Variants in ZNF316 observed in about 807,000 individuals in gnomAD.
The protein encoded by ZNF316 is zinc finger protein 316.
In ZNF316, 23 loss-of-function variants were observed where a neutral mutation model predicts 75.6. The observed-to-expected ratio is 0.30, with a 90% CI of 0.22 to 0.43. The LOEUF (loss-of-function observed/expected upper bound fraction) is 0.43, where lower values mean the gene tolerates loss of function less well. ZNF316 is among the 20% of genes least tolerant of loss of function. The pLI is 1.00. For synonymous variants in ZNF316, 827 were observed against 666.2 expected (o/e 1.24, Z -3.72); for missense variants, 1,266 against 1,409.4 (o/e 0.90, Z 1.63).
chr7:6,641,804 C>G (rs1257801823), intron 3 of ZNF316, 21 bp from the exon 4 acceptor site: 1 of 152,310 alleles, frequency 6.6e-6, no homozygotes, highest in African/African-American at 2.4e-5. Flanking sequence ...CTCACAGCCC[C>G]CACTCTCCCA....
chr7:6,640,506 T>C lies in ZNF316; in HGVS notation c.-166-1319T>C, dbSNP rs112277968. On this transcript the variant is annotated intron_variant, in intron 3 of 8. Transcript: ENST00000382252. This position sits in a 1 kb window ranked among gnomAD's most constrained non-coding sequence, Gnocchi z 5.1. ...TGTCCTGTGAACTCATTACTCACTG[T>C]CTCCAAGGGGATGGCCCAAGATTCA... Among the ~76,000 whole-genome samples the C allele has an allele frequency of 0.033, 4,990 of 152,190 alleles. 271 individuals are homozygous for C. Among genetic ancestry groups the C allele is most frequent in the African/African-American group, 0.11 (4,723 of 41,516 alleles).
In ZNF316 at chr7:6,643,957, G is replaced by A. The variant is rs1228772148; in HGVS notation, c.592+9G>A. 1.9e-5 allele frequency: 23 copies of A among 1,232,276 alleles called. No individual in the cohort carries two copies. The highest frequency in any genetic ancestry group is 4.2e-5 in the Admixed American group (1 of 23,704). 76.3% of individuals were successfully genotyped at this position (1,232,276 alleles called of 1,614,324 possible). ...GATTCTCGTGTCCTTGGGTAAGGAC[G>A]GGACCTTTTGTCCCCAAGAGGCAGC... On this transcript the variant is annotated intron_variant, in intron 7 of 8. Transcript: ENST00000382252.
In ZNF316 at chr7:6,653,731, A is replaced by G; in HGVS notation, c.2135A>G (p.Tyr712Cys). The G allele has an allele frequency of 1.8e-6, 2 of 1,099,306 alleles. No homozygotes were observed. The highest frequency in any genetic ancestry group is 2.2e-6 in the Non-Finnish European group (2 of 901,604). The allele number at this position is 1,099,306 out of a possible 1,614,324, so 68.1% of individuals were successfully genotyped here. A position where few individuals can be genotyped will look rare whatever the true frequency, so the allele number is the denominator to read the frequency against. Residue 712 changes from tyrosine to cysteine, a missense_variant, in exon 9 of 9, where the codon TAC (tyrosine) becomes TGC (cysteine). Physicochemically the swap from Tyr to Cys is radical, Grantham distance 194. Around this residue, in one of 3 missense-constraint regions of ZNF316, gnomAD observed 961 missense variants for 990.9 expected, o/e 0.97. Coordinates refer to ENST00000382252, the MANE Select transcript of ZNF316 (RefSeq NM_001278559.2). ...RRAALAKHQRYHAGERPHRCA... is the reference protein window; with the variant it reads ...RRAALAKHQRCHAGERPHRCA... ...GCCGCGCTGGCCAAGCACCAGCGCTACCACGCGGGCGAGCGGCCGCATCGC... is the reference window on the plus strand; with the variant it reads ...GCCGCGCTGGCCAAGCACCAGCGCTGCCACGCGGGCGAGCGGCCGCATCGC...
chr7:6,646,605 C>T (rs1779408502), intron 8 of ZNF316, among the ~76,000 whole-genome samples: 1 of 151,920 alleles, frequency 6.6e-6, no homozygotes, highest in Non-Finnish European at 1.5e-5. Context: ...GGCTGGCAGG[C>T]CTGGGATGCC....
chr7:6,642,803 G>A lies in ZNF316; in HGVS notation c.355+39G>A. On this transcript the variant is annotated intron_variant, in intron 5 of 8. Coordinates refer to ENST00000382252, the MANE Select transcript of ZNF316 (RefSeq NM_001278559.2). This position sits in a 1 kb window ranked among gnomAD's most constrained non-coding sequence, Gnocchi z 8.1. ...CCAGCCTTGGGGAGGAGATGAAGGG[G>A]GCTGAGGTGGGCCAGGCCAGGGACC... 6 of 1,233,020 alleles carry A rather than the reference G, an allele frequency of 4.9e-6. No homozygotes were observed. The highest frequency in any genetic ancestry group is 6.1e-6 in the Non-Finnish European group (6 of 988,598). The allele number at this position is 1,233,020 out of a possible 1,614,324, so 76.4% of individuals were successfully genotyped here.
In ZNF316 at chr7:6,643,043, C is replaced by A; in HGVS notation, c.435C>A (p.Asp145Glu). The A allele has an allele frequency of 8.1e-7, 1 of 1,239,094 alleles. No individual in the cohort carries two copies. Among genetic ancestry groups the A allele is most frequent in the Non-Finnish European group, 1.0e-6 (1 of 992,272 alleles). The allele number at this position is 1,239,094 out of a possible 1,614,324, so 76.8% of individuals were successfully genotyped here. The change falls in exon 6 of 9, where the codon GAC (aspartate) becomes GAA (glutamate). Residue 145 changes from aspartate to glutamate, a missense_variant. Coordinates refer to ENST00000382252, the MANE Select transcript of ZNF316 (RefSeq NM_001278559.2). ...EEEEEEEEDE[D>E]EDDLLTAGCQ... Reference sequence around the variant, plus strand: ...AGGAAGAGGAGGAGGAGGATGAGGACGAGGATGATTTGCTGACGGCTGGGT... The same window carrying A: ...AGGAAGAGGAGGAGGAGGATGAGGAAGAGGATGATTTGCTGACGGCTGGGT...
chr7:6,650,792 C>A (rs1469066974), intron 8 of ZNF316, among the ~76,000 whole-genome samples: 1 of 152,154 alleles, frequency 6.6e-6, no homozygotes, highest in Non-Finnish European at 1.5e-5. Context: ...CCAGGAGGGT[C>A]CATGAAGGTG....
intron 8 of ZNF316, among the ~76,000 whole-genome samples, 153 bp from the exon 9 acceptor site, chr7:6,652,150 C>T (rs1027207881): frequency 2.0e-5 from 3 of 152,136 alleles, no homozygotes; most frequent in Non-Finnish European, 4.4e-5. Context: ...CATGGGCAAC[C>T]GCTCACTTGG....
At chr7:6,647,290 C>T (rs534254982) in intron 8 of ZNF316, among the ~76,000 whole-genome samples, 6 of 152,338 alleles carry the variant, frequency 3.9e-5, no homozygotes, top group South Asian at 2.1e-4. Flanking sequence ...CAAGGCCATG[C>T]AGCTGGTTCA....
rs1779277997 is a variant in ZNF316, at chr7:6,639,582, T to C, written c.-167+441T>C. On this transcript the variant is annotated intron_variant, in intron 3 of 8. Coordinates refer to ENST00000382252, the MANE Select transcript of ZNF316 (RefSeq NM_001278559.2). The surrounding 1 kb of genome is among the most constrained non-coding windows in gnomAD (Gnocchi z 4.2). Reference sequence around the variant, plus strand: ...TGAGATGAACATGCAGCCACTTTATTCCAAAGCTGTGAAGTGTTCTTCTGT... The same window carrying C: ...TGAGATGAACATGCAGCCACTTTATCCCAAAGCTGTGAAGTGTTCTTCTGT... Among the ~76,000 whole-genome samples, 1 of 152,198 alleles carries C rather than the reference T, an allele frequency of 6.6e-6. No homozygotes were observed. The highest frequency in any genetic ancestry group is 6.5e-5 in the Admixed American group (1 of 15,270).
At position 6,637,670 on chromosome 7, in the gene ZNF316, G is replaced by C. The variant is rs1230424560; in HGVS notation, c.-430-176G>C. ...CCCCGCCTCCCGGACCCCCGTCCGG[G>C]CCTGCGCGTTGCCGACCCCCGGGGC... On this transcript the variant is annotated intron_variant, in intron 1 of 8. Transcript: ENST00000382252. This position sits in a 1 kb window ranked among gnomAD's most constrained non-coding sequence, Gnocchi z 6.2. Among the ~76,000 whole-genome samples the C allele has an allele frequency of 6.6e-6, 1 of 151,156 alleles. No homozygotes were observed. The highest frequency in any genetic ancestry group is 1.5e-5 in the Non-Finnish European group (1 of 67,708).
Position 6,652,574 on chromosome 7 carries a change from G to C in ZNF316, c.978G>C (p.Leu326=). The C allele has an allele frequency of 1.6e-6, 2 of 1,230,880 alleles. No individual in the cohort carries two copies. The highest frequency in any genetic ancestry group is 3.2e-5 in the East Asian group (1 of 31,654). The allele number at this position is 1,230,880 out of a possible 1,614,324, so 76.2% of individuals were successfully genotyped here. A position where few individuals can be genotyped will look rare whatever the true frequency, so the allele number is the denominator to read the frequency against. Residue 326 remains leucine (L), a synonymous_variant, in exon 9 of 9, where the codon CTG becomes CTC. Coordinates refer to ENST00000382252, the MANE Select transcript of ZNF316 (RefSeq NM_001278559.2). ...FLPGREPGAN[L]LSPWAFPAAV... is the part of the protein sequence containing the mutation. ...CCGGCCGGGAGCCGGGTGCGAACCT[G>C]CTGTCGCCCTGGGCGTTCCCCGCCG... is the stretch of plus-strand genomic sequence containing the variant.
intron 8 of ZNF316, among the ~76,000 whole-genome samples, chr7:6,651,145 T>C (rs1779500365): frequency 6.6e-6 from 1 of 150,412 alleles, no homozygotes; most frequent in African/African-American, 2.5e-5. Flanking sequence ...AGGTCAGGAG[T>C]TTGAGACTAG....
chr7:6,642,159 G>A lies in ZNF316; in HGVS notation c.-29+197G>A, dbSNP rs901884803. 9 of 372,144 alleles carry A rather than the reference G, an allele frequency of 2.4e-5. No individual in the cohort carries two copies. The highest frequency in any genetic ancestry group is 3.8e-5 in the Non-Finnish European group (8 of 209,130). 23.1% of individuals were successfully genotyped at this position (372,144 alleles called of 1,614,324 possible). On this transcript the variant is annotated intron_variant, in intron 4 of 8. Transcript: ENST00000382252. The surrounding 1 kb of genome is among the most constrained non-coding windows in gnomAD (Gnocchi z 8.1). The stretch of plus-strand genomic sequence containing the variant: ...CTGAGACTGGCATCCCAGGGGTCAC[G>A]CGGAGGGGCCATTGGGGCAGCCTTT...
chr7:6,653,320 A>G lies in ZNF316; in HGVS notation c.1724A>G (p.Glu575Gly). The change falls in exon 9 of 9, where the codon GAA becomes GGA. Residue 575 changes from glutamate to glycine, a missense_variant. This residue lies in a region of ZNF316 where 961 missense variants were observed against 990.9 expected (regional missense o/e 0.97). Transcript: ENST00000382252. ...TPSGKVDPAPERRFLELGNGL... is the reference protein window; with the variant it reads ...TPSGKVDPAPGRRFLELGNGL... ...AGCGGCAAGGTGGACCCCGCGCCGGAACGGCGCTTCCTGGAGCTGGGCAAC... is the reference window on the plus strand; with the variant it reads ...AGCGGCAAGGTGGACCCCGCGCCGGGACGGCGCTTCCTGGAGCTGGGCAAC... 8.2e-7 allele frequency: 1 copy of G among 1,225,580 alleles called. No homozygotes were observed. The highest frequency in any genetic ancestry group is 1.0e-6 in the Non-Finnish European group (1 of 984,958). 75.9% of individuals were successfully genotyped at this position (1,225,580 alleles called of 1,614,324 possible).
In ZNF316 at chr7:6,656,574, C is replaced by T. The variant is rs894977483; in HGVS notation, c.*1963C>T. 6.6e-6 allele frequency: 1 copy of T among 152,258 alleles called. No individual in the cohort carries two copies. The highest frequency in any genetic ancestry group is 1.5e-5 in the Non-Finnish European group (1 of 68,064). The allele number at this position is 152,258 out of a possible 1,614,324, so 9.4% of individuals were successfully genotyped here. On this transcript the variant is annotated 3_prime_UTR_variant, in exon 9 of 9. Coordinates refer to ENST00000382252, the MANE Select transcript of ZNF316 (RefSeq NM_001278559.2). Reference sequence around the variant, plus strand: ...AATTAGAATGGGTCCTAGGATGGCCCATGAGGAGTTGGCCCCAGGCCAGTG... The same window carrying T: ...AATTAGAATGGGTCCTAGGATGGCCTATGAGGAGTTGGCCCCAGGCCAGTG...
intron 2 of ZNF316, 70 bp from the exon 3 acceptor site, chr7:6,638,972 G>GT (rs1779267552): frequency 6.6e-6 from 1 of 152,134 alleles, no homozygotes; most frequent in African/African-American, 2.4e-5. Context: ...GCTGAGGTCC[G>GT]TTTTTCAAAC....
At chr7:6,643,169 C>T (rs1779341979) in intron 6 of ZNF316, 96 bp downstream of exon 6, 2 of 1,227,178 alleles carry the variant, frequency 1.6e-6, no homozygotes, top group Admixed American at 4.2e-5. Flanking sequence ...TTGGCAGCGG[C>T]CATGGCACTG....
rs189760761 is a variant in ZNF316 at position 6,646,915 on chromosome 7, A to G, written c.706+2322A>G. Among the ~76,000 whole-genome samples, 19 of 152,220 alleles carry G rather than the reference A, an allele frequency of 1.2e-4. 1 individual carries two copies. The Middle Eastern group carries it at 0.01, about 82-fold the overall frequency. ...TCTGGGCTCTGGCACTGCCCTGATC[A>G]GGACCCACCCCTCCTGAGGGCTGCT... is the stretch of plus-strand genomic sequence containing the variant. On this transcript the variant is annotated intron_variant, in intron 8 of 8. Coordinates refer to ENST00000382252, the MANE Select transcript of ZNF316 (RefSeq NM_001278559.2).
Sources: allele counts gnomAD v4.1 joint callset (sites outside exome capture counted in the v4.1 genomes callset), GRCh38; gene constraint gnomAD v4.1.1; regional missense constraint gnomAD v4.1.1; non-coding constraint Gnocchi (gnomAD v3.1); transcripts MANE v1.5; gene names NCBI Gene and HGNC (gene_info 2026-07-23, HGNC 2026-07-21).